Variants in DDRGK1 observed in about 807,000 individuals in gnomAD.
DDRGK1 encodes DDRGK domain-containing protein 1.
DDRGK1 carries 38 observed loss-of-function variants against 45.8 expected under a neutral mutation model. The observed-to-expected ratio is 0.83, with a 90% CI of 0.64 to 1.09. The LOEUF is 1.09. Among genes scored for constraint, DDRGK1 ranks in the 50% least tolerant of loss-of-function variants. The pLI is 0.00. For missense variants in DDRGK1, 403 were observed against 419.9 expected, an observed-to-expected ratio of 0.96 and a Z score of 0.35; for synonymous variants, 171 against 168.7, an observed-to-expected ratio of 1.01 and a Z score of -0.11.
rs189077453 is a variant in DDRGK1 at position 3,199,494 on chromosome 20, C to T, written c.510+507G>A. 2.6e-3 allele frequency among the ~76,000 whole-genome samples: 390 copies of T among 152,330 alleles called. 12 individuals are homozygous for T. The highest frequency in any genetic ancestry group is 0.023 in the Admixed American group (351 of 15,296). Reference sequence around the variant, plus strand: ...GCAGCCCTGGCTCTAACCCTATGTACCCCACATCTTTATGGTGTTCTCTTT... The same window carrying T: ...GCAGCCCTGGCTCTAACCCTATGTATCCCACATCTTTATGGTGTTCTCTTT... On this transcript the variant is annotated intron_variant, in intron 4 of 8. Coordinates refer to ENST00000354488, the MANE Select transcript of DDRGK1 (RefSeq NM_023935.3).
At chr20:3,194,643 TCTC>T (rs1168719174) in intron 6 of DDRGK1, among the ~76,000 whole-genome samples, 184 bp downstream of exon 6, 3 of 152,196 alleles carry the variant, frequency 2.0e-5, no homozygotes, top group South Asian at 2.1e-4. Flanking sequence ...CCCAGGTCCT[TCTC>T]CACCTTCGGG....
intron 2 of DDRGK1, among the ~76,000 whole-genome samples, chr20:3,201,704 GT>G: frequency 6.7e-6 from 1 of 149,724 alleles, no homozygotes; most frequent in South Asian, 2.1e-4. Flanking sequence ...GTTGCCCAGG[GT>G]GGAGTGCAGT....
At chr20:3,201,782 C>T (rs1235411690) in intron 2 of DDRGK1, among the ~76,000 whole-genome samples, 7 of 150,596 alleles carry the variant, frequency 4.6e-5, no homozygotes, top group Non-Finnish European at 8.9e-5. Context: ...CTCAGCCTTC[C>T]GAGTAGCTGG....
chr20:3,200,628 T>A (rs1337589107), intron 2 of DDRGK1, among the ~76,000 whole-genome samples, 174 bp from the exon 3 acceptor site: 1 of 152,118 alleles, frequency 6.6e-6, no homozygotes, highest in African/African-American at 2.4e-5. Context: ...TGTGTGTGTG[T>A]GCATGAATAT....
chr20:3,201,971 T>G (rs73076864), intron 2 of DDRGK1, among the ~76,000 whole-genome samples: 17,958 of 139,718 alleles, frequency 0.13, 1,366 homozygotes, highest in Non-Finnish European at 0.17. Context: ...CCAGAGAGGG[T>G]TTTTTTTGTT....
intron 5 of DDRGK1, 137 bp downstream of exon 5, chr20:3,195,094 A>G: frequency 2.7e-6 from 4 of 1,473,822 alleles, no homozygotes; most frequent in Non-Finnish European, 3.7e-6. Flanking sequence ...TCTGGCCACT[A>G]AAGCCTGCTG....
chr20:3,192,650 A>G (rs1367868173), intron 6 of DDRGK1, among the ~76,000 whole-genome samples: 1 of 152,228 alleles, frequency 6.6e-6, no homozygotes, highest in African/African-American at 2.4e-5. Context: ...TCATACCCTC[A>G]GTAGAAACCT....
Position 3,194,876 on chromosome 20 carries a change from A to G in DDRGK1, c.634-8T>C. 1 of 1,614,024 alleles carries G rather than the reference A, an allele frequency of 6.2e-7. No individual in the cohort carries two copies. The highest frequency in any genetic ancestry group is 8.5e-7 in the Non-Finnish European group (1 of 1,179,930). On this transcript the variant is annotated splice_polypyrimidine_tract_variant and splice_region_variant and intron_variant, in intron 5 of 8. Transcript: ENST00000354488. Reference sequence around the variant, plus strand: ...TGTCAGGAAGCTCTGGGACTAGAGAAGCAGAGAAATCAGGGTGAGCACCCC... The same window carrying G: ...TGTCAGGAAGCTCTGGGACTAGAGAGGCAGAGAAATCAGGGTGAGCACCCC...
At position 3,200,431 on chromosome 20, in the gene DDRGK1, T is replaced by A; in HGVS notation, c.319A>T (p.Lys107Ter). The A allele has an allele frequency of 1.3e-6, 2 of 1,578,648 alleles. No homozygotes were observed. Among genetic ancestry groups the A allele is most frequent in the Non-Finnish European group, 1.7e-6 (2 of 1,161,538 alleles). Residue 107 changes from lysine (K) to a stop codon, truncating the protein, a stop_gained, in exon 3 of 9, where the codon AAG becomes TAG. Coordinates refer to ENST00000354488, the MANE Select transcript of DDRGK1 (RefSeq NM_023935.3). LOFTEE classifies it high-confidence loss of function. Reference protein sequence around the residue: ...ILAQEEEGVEKPAETHLSGKI... With the variant: ...ILAQEEEGVE ...CCCGACAGGTGAGTTTCCGCTGGCT[T>A]CTCGACACCTTCCTCCTCCTGGGCT...
At chr20:3,193,415 G>T (rs1331677408) in intron 6 of DDRGK1, among the ~76,000 whole-genome samples, 1 of 151,940 alleles carries the variant, frequency 6.6e-6, no homozygotes, top group Non-Finnish European at 1.5e-5. Context: ...CTGTCGCCCA[G>T]GCTGGAGTGC....
chr20:3,193,538 T>C (rs1267778215), intron 6 of DDRGK1, among the ~76,000 whole-genome samples: 1 of 152,042 alleles, frequency 6.6e-6, no homozygotes, highest in Non-Finnish European at 1.5e-5. Flanking sequence ...GCCTGGCTAA[T>C]TTTTGTATTT....
At chr20:3,196,781 A>G (rs1156894848) in intron 4 of DDRGK1, among the ~76,000 whole-genome samples, 3 of 152,194 alleles carry the variant, frequency 2.0e-5, no homozygotes, top group Non-Finnish European at 4.4e-5. Context: ...CTCAAAAAAC[A>G]AAACGAGTGT....
intron 6 of DDRGK1, among the ~76,000 whole-genome samples, chr20:3,192,079 AAAC>A (rs1181804995): frequency 6.6e-6 from 1 of 150,730 alleles, no homozygotes; most frequent in African/African-American, 2.5e-5. Context: ...AATCTACCCA[AAAC>A]AACCACCTGC....
chr20:3,191,271 G>C, intron 7 of DDRGK1, 33 bp from the exon 8 acceptor site: 1 of 1,611,448 alleles, frequency 6.2e-7, no homozygotes, highest in Non-Finnish European at 8.5e-7. Context: ...AATAGAGATA[G>C]GCACCAATGT....
intron 2 of DDRGK1, 131 bp downstream of exon 2, chr20:3,203,082 T>G (rs936652918): frequency 6.0e-6 from 5 of 834,586 alleles, no homozygotes. Context: ...CCCCCCCTAC[T>G]CTACCGTGTG....
intron 6 of DDRGK1, among the ~76,000 whole-genome samples, chr20:3,193,463 T>C (rs1464515098): frequency 2.0e-5 from 3 of 152,108 alleles, no homozygotes; most frequent in African/African-American, 7.2e-5. Flanking sequence ...CTCCACCTCC[T>C]GGGTTCAAGT....
chr20:3,195,018 A>G, intron 5 of DDRGK1, 150 bp from the exon 6 acceptor site: 1 of 1,334,150 alleles, frequency 7.5e-7, no homozygotes, highest in Admixed American at 2.1e-5. Context: ...CCGCTTGCCT[A>G]CACAAGCAGC....
intron 5 of DDRGK1, 51 bp downstream of exon 5, chr20:3,195,180 A>C (rs1485248044): frequency 6.2e-7 from 1 of 1,612,688 alleles, no homozygotes; most frequent in East Asian, 2.2e-5. Context: ...CGTCTGGCAC[A>C]GGCTGCACTG....
intron 7 of DDRGK1, chr20:3,191,459 G>A: frequency 1.5e-6 from 1 of 659,712 alleles, no homozygotes; most frequent in Non-Finnish European, 2.7e-6. Flanking sequence ...TAGAAGCGGG[G>A]CAGTGATGTT....
Sources: gnomAD v4.1 joint callset for allele counts (sites outside exome capture counted in the v4.1 genomes callset) on GRCh38, gnomAD v4.1.1 for gene constraint, MANE v1.5 for transcripts, NCBI Gene and HGNC (gene_info 2026-07-23, HGNC 2026-07-21) for gene names.